ANKRD18B: variants seen among roughly 807,000 people sequenced by gnomAD.
The protein encoded by ANKRD18B is ankyrin repeat domain-containing protein 18B.
In ANKRD18B, 75 loss-of-function variants were observed where a neutral mutation model predicts 111.8. The ratio of observed to expected loss-of-function variants is 0.67; its 90% confidence interval spans 0.56 to 0.81. The LOEUF (loss-of-function observed/expected upper bound fraction) is 0.81. Ranked by LOEUF, ANKRD18B falls within the 40% of genes least tolerant of loss-of-function variation. The pLI, the probability that ANKRD18B is intolerant of heterozygous loss-of-function variation, is 0.00. For synonymous variants in ANKRD18B, 356 were observed against 417.3 expected (o/e 0.85, Z 1.79); for missense variants, 1,038 against 1,225.5 (o/e 0.85, Z 2.28).
At chr9:33,559,398 C>G (rs555062601) in intron 14 of ANKRD18B, among the ~76,000 whole-genome samples, 210 of 152,172 alleles carry the variant, frequency 1.4e-3, no homozygotes, top group African/African-American at 4.9e-3. Flanking sequence ...GGGTAAAATA[C>G]TTTGATTTTT....
At chr9:33,574,873 C>T (rs181650175), downstream of ANKRD18B, among the ~76,000 whole-genome samples, 48 of 152,278 alleles carry the variant, frequency 3.2e-4, no homozygotes, top group East Asian at 7.9e-3. Flanking sequence ...TGTCATCCCA[C>T]GATGTCACTC....
intron 4 of ANKRD18B, among the ~76,000 whole-genome samples, chr9:33,534,026 G>A (rs1383660720): frequency 6.6e-6 from 1 of 151,806 alleles, no homozygotes; most frequent in East Asian, 1.9e-4. Flanking sequence ...CGAAGCAATG[G>A]GAAAGCAATG....
chr9:33,555,039 C>T (rs545474489), intron 12 of ANKRD18B, among the ~76,000 whole-genome samples: 1 of 128,178 alleles, frequency 7.8e-6, no homozygotes, highest in East Asian at 2.1e-4. Flanking sequence ...AATAAAAACA[C>T]AATAAGTGAT....
intron 10 of ANKRD18B, among the ~76,000 whole-genome samples, chr9:33,546,476 A>T (rs1828357343): frequency 6.6e-6 from 1 of 152,136 alleles, no homozygotes; most frequent in African/African-American, 2.4e-5. Context: ...TAAGTAGCGT[A>T]ACTCCTCAGC....
Position 33,572,564 on chromosome 9 carries a change from T to G in ANKRD18B, c.*130T>G. The stretch of plus-strand genomic sequence containing the variant: ...ATATGATGTATATTTATATGTTATT[T>G]TAAATGATTTTTTTAGCCTCCTTAA... On this transcript the variant is annotated 3_prime_UTR_variant, in exon 19 of 19. Coordinates refer to ENST00000684830, the MANE Select transcript of ANKRD18B (RefSeq NM_001393611.1). 7.7e-7 allele frequency: 1 copy of G among 1,296,096 alleles called. No individual in the cohort carries two copies. The highest frequency in any genetic ancestry group is 2.4e-5 in the South Asian group (1 of 41,738). 80.3% of individuals were successfully genotyped at this position (1,296,096 alleles called of 1,614,324 possible).
chr9:33,562,875 T>G (rs557981458), intron 14 of ANKRD18B, among the ~76,000 whole-genome samples: 2 of 152,370 alleles, frequency 1.3e-5, no homozygotes, highest in East Asian at 1.9e-4. Flanking sequence ...ACTCAAAGCT[T>G]CTTCTTTTAG....
At chr9:33,557,153 A>G (rs1362290128) in intron 13 of ANKRD18B, among the ~76,000 whole-genome samples, 1 of 152,080 alleles carries the variant, frequency 6.6e-6, no homozygotes, top group East Asian at 1.9e-4. Context: ...AGATCTCTAG[A>G]TCTCTTCTTC....
chr9:33,549,124 A>G (rs1236749306), intron 11 of ANKRD18B, among the ~76,000 whole-genome samples: 4 of 152,176 alleles, frequency 2.6e-5, no homozygotes, highest in African/African-American at 7.2e-5. Flanking sequence ...CTAAAGTTGG[A>G]TTGTAGAGAT....
chr9:33,569,012 T>A, intron 17 of ANKRD18B, 119 bp downstream of exon 17: 3 of 958,674 alleles, frequency 3.1e-6, no homozygotes, highest in Non-Finnish European at 4.4e-6. Flanking sequence ...AGATTATAAT[T>A]AGCTGTGTTA....
chr9:33,537,063 G>T, intron 6 of ANKRD18B, 118 bp downstream of exon 6: 2 of 615,142 alleles, frequency 3.3e-6, no homozygotes, highest in Non-Finnish European at 4.9e-6. Flanking sequence ...TTGGGAGGCC[G>T]AGGCAGGTGG....
At chr9:33,574,033 G>A (rs918865984), downstream of ANKRD18B, among the ~76,000 whole-genome samples, 5 of 141,846 alleles carry the variant, frequency 3.5e-5, 1 homozygote, top group African/African-American at 1.2e-4. Flanking sequence ...GGCCTTAGTG[G>A]CTTGGAGCCT....
chr9:33,560,324 C>T (rs1828588060), intron 14 of ANKRD18B, among the ~76,000 whole-genome samples: 2 of 152,228 alleles, frequency 1.3e-5, no homozygotes, highest in African/African-American at 4.8e-5. Flanking sequence ...GGCCAGGCTC[C>T]TCCTCTGCAT....
intron 5 of ANKRD18B, among the ~76,000 whole-genome samples, chr9:33,534,998 C>T (rs1311668016): frequency 6.6e-6 from 1 of 151,810 alleles, no homozygotes; most frequent in Non-Finnish European, 1.5e-5. Flanking sequence ...TTGTATTATC[C>T]CCTGGGGCTA....
intron 12 of ANKRD18B, among the ~76,000 whole-genome samples, chr9:33,554,434 G>A (rs1158643058): frequency 6.6e-6 from 1 of 152,148 alleles, no homozygotes; most frequent in Admixed American, 6.5e-5. Context: ...TCAGTAAAAA[G>A]GTCAGAGCTG....
chr9:33,534,339 C>T (rs990058113), intron 4 of ANKRD18B, 31 bp from the exon 5 acceptor site: 8 of 1,510,340 alleles, frequency 5.3e-6, no homozygotes, highest in Non-Finnish European at 7.1e-6. Context: ...TATCAAAGTT[C>T]TTGAGTGCTG....
chr9:33,572,407 A>C lies in ANKRD18B; in HGVS notation c.3315A>C (p.Lys1105Asn). ...PHLMKRIFNHKILRKSCMI is the reference protein window; with the variant it reads ...PHLMKRIFNHNILRKSCMI ...TAATGAAGAGAATATTTAACCATAA[A>C]ATCTTAAGGAAAAGTTGTATGATTT... The change falls in exon 19 of 19, where the codon AAA (lysine) becomes AAC (asparagine). Residue 1105 changes from lysine (K) to asparagine (N), a missense_variant. Lys to Asn is a moderately conservative substitution (Grantham distance 94, BLOSUM62 0). Transcript: ENST00000684830. 1 of 1,582,802 alleles carries C rather than the reference A, an allele frequency of 6.3e-7. No homozygotes were observed. The highest frequency in any genetic ancestry group is 8.6e-7 in the Non-Finnish European group (1 of 1,165,290).
At chr9:33,559,299 T>A (rs1587273540) in intron 14 of ANKRD18B, among the ~76,000 whole-genome samples, 1 of 152,026 alleles carries the variant, frequency 6.6e-6, no homozygotes, top group South Asian at 2.1e-4. Context: ...AGATGCAAAT[T>A]CCCCCACAGA....
chr9:33,540,406 C>T (rs608784), intron 8 of ANKRD18B, among the ~76,000 whole-genome samples, 194 bp downstream of exon 8: 11 of 151,988 alleles, frequency 7.2e-5, no homozygotes, highest in East Asian at 1.9e-4. Context: ...AACCAGGCAC[C>T]GGGAAAGCAA....
chr9:33,558,543 C>T (rs1270683015), intron 14 of ANKRD18B, among the ~76,000 whole-genome samples: 1 of 152,172 alleles, frequency 6.6e-6, no homozygotes, highest in Non-Finnish European at 1.5e-5. Context: ...ATTTGTATGG[C>T]TCCATAGTAT....
Sources: gnomAD v4.1 joint callset for allele counts (sites outside exome capture counted in the v4.1 genomes callset) on GRCh38, gnomAD v4.1.1 for gene constraint, MANE v1.5 for transcripts, NCBI Gene and HGNC (gene_info 2026-07-23, HGNC 2026-07-21) for gene names.